LOC400499: variants seen among roughly 807,000 people sequenced by gnomAD.
the LOC400499 span, chr16:11,446,546 T>G: frequency 6.5e-7 from 1 of 1,536,056 alleles, no homozygotes; most frequent in Non-Finnish European, 8.7e-7. Context: ...GTCTCTGCTC[T>G]TACCGTGTGC....
chr16:11,383,778 G>T, the LOC400499 span: 3 of 1,232,096 alleles, frequency 2.4e-6, no homozygotes, highest in Middle Eastern at 3.1e-4. Flanking sequence ...ATGGTGTAGG[G>T]TCTACCTGAA....
At chr16:11,376,751 C>G in the LOC400499 span, among the ~76,000 whole-genome samples, 2 of 152,132 alleles carry the variant, frequency 1.3e-5, no homozygotes, top group Non-Finnish European at 2.9e-5. Flanking sequence ...ATTTTGATAG[C>G]AATTACGCTA....
the LOC400499 span, chr16:11,390,545 G>C: frequency 8.2e-6 from 9 of 1,094,070 alleles, no homozygotes; most frequent in Non-Finnish European, 9.3e-6. Context: ...CAGGCCTCGA[G>C]GAGATAGGGC....
the LOC400499 span, among the ~76,000 whole-genome samples, chr16:11,405,705 C>T: frequency 6.6e-6 from 1 of 152,172 alleles, no homozygotes; most frequent in Non-Finnish European, 1.5e-5. Flanking sequence ...TTATTATTGC[C>T]CTGCCCCTGC....
the LOC400499 span, chr16:11,460,990 G>C: frequency 6.5e-7 from 1 of 1,535,564 alleles, no homozygotes; most frequent in African/African-American, 1.4e-5. Context: ...GATCCTCAGG[G>C]AGTTGGTCCA....
the LOC400499 span, chr16:11,491,637 C>T: frequency 1.6e-5 from 6 of 370,690 alleles, no homozygotes; most frequent in Admixed American, 4.5e-5. Context: ...CTGCACTCTT[C>T]AGGAGGTGCC....
At chr16:11,471,901 C>G in the LOC400499 span, 11 of 398,558 alleles carry the variant, frequency 2.8e-5, no homozygotes, top group East Asian at 3.2e-4. Flanking sequence ...GCCACATCAG[C>G]AAAGAAACCT....
At chr16:11,425,808 G>A in the LOC400499 span, among the ~76,000 whole-genome samples, 31 of 152,202 alleles carry the variant, frequency 2.0e-4, no homozygotes, top group African/African-American at 6.3e-4. Flanking sequence ...ATACAAACTC[G>A]TTCAGAAAAG....
chr16:11,456,380 GT>G, the LOC400499 span, among the ~76,000 whole-genome samples: 3 of 151,770 alleles, frequency 2.0e-5, no homozygotes, highest in Non-Finnish European at 4.4e-5. Context: ...GACAGACAGT[GT>G]TTTCGAGACA....
the LOC400499 span, chr16:11,516,219 C>G: frequency 2.0e-5 from 8 of 399,568 alleles, no homozygotes; most frequent in African/African-American, 1.6e-4. Flanking sequence ...ACGTTCAGCA[C>G]CCAGCGTGGC....
At chr16:11,496,202 G>A in the LOC400499 span, among the ~76,000 whole-genome samples, 1 of 152,076 alleles carries the variant, frequency 6.6e-6, no homozygotes, top group Admixed American at 6.5e-5. Context: ...GAGTAGCTGG[G>A]ATTACAGATG....
At chr16:11,502,910 G>A in the LOC400499 span, among the ~76,000 whole-genome samples, 1 of 101,042 alleles carries the variant, frequency 9.9e-6, no homozygotes, top group African/African-American at 3.6e-5. Flanking sequence ...CACCACACCT[G>A]GACCACCTTT....
the LOC400499 span, chr16:11,439,579 G>C: frequency 7.5e-6 from 3 of 399,050 alleles, no homozygotes; most frequent in Non-Finnish European, 1.3e-5. Context: ...GCTGGACCGA[G>C]GCCTGTTGCA....
chr16:11,490,913 G>A, the LOC400499 span, among the ~76,000 whole-genome samples: 1 of 152,182 alleles, frequency 6.6e-6, no homozygotes, highest in African/African-American at 2.4e-5. Context: ...TTTGTCCCTT[G>A]CCTATGCTTT....
chr16:11,469,876 A>G, the LOC400499 span, among the ~76,000 whole-genome samples: 1 of 151,830 alleles, frequency 6.6e-6, no homozygotes, highest in East Asian at 1.9e-4. Context: ...TGCGGTGCAC[A>G]CTCCTGGCAC....
chr16:11,464,448 G>A, the LOC400499 span, among the ~76,000 whole-genome samples: 1 of 152,228 alleles, frequency 6.6e-6, no homozygotes. Context: ...TTGTAAATGT[G>A]TCACGTCACC....
chr16:11,487,029 G>A, the LOC400499 span, among the ~76,000 whole-genome samples: 2 of 151,864 alleles, frequency 1.3e-5, no homozygotes, highest in Non-Finnish European at 2.9e-5. Flanking sequence ...GGACAGATGA[G>A]CAGGTCAGTG....
chr16:11,381,389 C>G, the LOC400499 span, among the ~76,000 whole-genome samples: 1 of 152,108 alleles, frequency 6.6e-6, no homozygotes, highest in East Asian at 1.9e-4. Flanking sequence ...GTGTGAGCCA[C>G]CACACCTGCC....
the LOC400499 span, among the ~76,000 whole-genome samples, chr16:11,486,887 G>GAT: frequency 9.3e-6 from 1 of 107,336 alleles, no homozygotes; most frequent in African/African-American, 3.6e-5. Flanking sequence ...TGGGGGGGTG[G>GAT]GGGGCTGGAT....
Sources: allele counts gnomAD v4.1 joint callset (sites outside exome capture counted in the v4.1 genomes callset), GRCh38; gene constraint gnomAD v4.1.1; transcripts MANE v1.5.